The following KIAA2012 variants were observed in gnomAD, a reference collection of about 807,000 sequenced individuals.
KIAA2012 encodes the protein uncharacterized protein KIAA2012.
Under a neutral mutation model 150.6 loss-of-function variants are expected in KIAA2012, and 125 were observed. The observed-to-expected ratio is 0.83, with a 90% CI of 0.72 to 0.96. The LOEUF (loss-of-function observed/expected upper bound fraction) is 0.96, where lower values mean the gene tolerates loss of function less well. Among genes scored for constraint, KIAA2012 ranks in the 40% least tolerant of loss-of-function variants. The pLI is 0.00. For synonymous variants in KIAA2012, 462 were observed against 504.7 expected, an observed-to-expected ratio of 0.92 and a Z score of 1.13; for missense variants, 1,219 against 1,354.9, an observed-to-expected ratio of 0.90 and a Z score of 1.57.
intron 2 of KIAA2012, among the ~76,000 whole-genome samples, chr2:202,079,219 G>A (rs1290890517): frequency 2.0e-5 from 3 of 152,186 alleles, no homozygotes; most frequent in South Asian, 4.1e-4. Context: ...AGGCTTCGGG[G>A]AGGAAAATGG....
chr2:202,109,548 G>A, intron 9 of KIAA2012, 65 bp from the exon 10 acceptor site: 2 of 1,401,664 alleles, frequency 1.4e-6, no homozygotes, highest in Non-Finnish European at 1.9e-6. Flanking sequence ...TTAGAAGAGA[G>A]CTTCCTTCTC....
Position 202,105,860 on chromosome 2 carries a change from T to G in KIAA2012, c.1424T>G (p.Leu475Ter). ...KHASLETPWE[L>*]TVHLPVDASR... ...GCGTCCTTAGAAACACCATGGGAGT[T>G]AACAGTGCATCTCCCAGTGGACGCG... The change falls in exon 9 of 24, where the codon TTA (leucine) becomes TGA (stop). Residue 475 changes from leucine (L) to a stop codon, truncating the protein, a stop_gained. Coordinates refer to ENST00000498697, the MANE Select transcript of KIAA2012 (RefSeq NM_001277372.4). LOFTEE classifies it high-confidence loss of function. 1 of 1,550,748 alleles carries G rather than the reference T, an allele frequency of 6.4e-7. No individual in the cohort carries two copies.
At chr2:202,117,525 A>G (rs1206823291) in intron 11 of KIAA2012, among the ~76,000 whole-genome samples, 1 of 152,216 alleles carries the variant, frequency 6.6e-6, no homozygotes, top group African/African-American at 2.4e-5. Flanking sequence ...ATTAATTTTG[A>G]TAAGGCCATG....
At chr2:202,105,664 A>G (rs1690167464) in intron 8 of KIAA2012, 97 bp from the exon 9 acceptor site, 15 of 1,449,216 alleles carry the variant, frequency 1.0e-5, no homozygotes, top group Non-Finnish European at 1.3e-5. Flanking sequence ...ACCAAACCAC[A>G]TGGTGTGAGC....
In KIAA2012 at chr2:202,203,676, TA is replaced by T. The variant is rs1281410729; in HGVS notation, c.*20+1091del. ...AGCATTATTCTAGAGCCCTGAACAT[TA>T]ATAAATCTTGAGTTTTAGCCCCTGT... On this transcript the variant is annotated intron_variant, in intron 23 of 23. Coordinates refer to ENST00000498697, the MANE Select transcript of KIAA2012 (RefSeq NM_001277372.4). 1.1e-4 allele frequency among the ~76,000 whole-genome samples: 16 copies of T among 152,166 alleles called. 1 individual carries two copies. The highest frequency in any genetic ancestry group is 3.4e-4 in the African/African-American group (14 of 41,430).
rs1574996840 is a variant in KIAA2012, at chr2:202,075,029, T to C, written c.223T>C (p.Ser75Pro). 6.4e-7 allele frequency: 1 copy of C among 1,550,584 alleles called. No individual in the cohort carries two copies. Among genetic ancestry groups the C allele is most frequent in the Non-Finnish European group, 8.7e-7 (1 of 1,147,002 alleles). ...STRKGALILY[S>P]EGFAISAWTP... ...TAGAAAGGGTGCCCTGATCCTGTACTCAGAAGGTTTTGCCATTTCGGCATG... is the reference window on the plus strand; with the variant it reads ...TAGAAAGGGTGCCCTGATCCTGTACCCAGAAGGTTTTGCCATTTCGGCATG... The change falls in exon 2 of 24, where the codon TCA becomes CCA. Residue 75 changes from serine (S) to proline (P), a missense_variant. By Grantham distance (74) the Ser-to-Pro change is moderately conservative. Transcript: ENST00000498697.
At chr2:202,202,024 G>A in intron 22 of KIAA2012, 1 of 577,012 alleles carries the variant, frequency 1.7e-6, no homozygotes, top group East Asian at 2.8e-5. Flanking sequence ...TGCCGCCGCA[G>A]TTTTTGTATT....
intron 15 of KIAA2012, among the ~76,000 whole-genome samples, chr2:202,170,819 C>T (rs1325284352): frequency 1.3e-5 from 2 of 152,222 alleles, no homozygotes; most frequent in East Asian, 3.8e-4. Context: ...GCAGTTCACA[C>T]TCCCTGTGTG....
At chr2:202,099,385 A>G (rs1409724720) in intron 5 of KIAA2012, among the ~76,000 whole-genome samples, 1 of 152,160 alleles carries the variant, frequency 6.6e-6, no homozygotes, top group Non-Finnish European at 1.5e-5. Flanking sequence ...AGATCGCACT[A>G]TATGTCAGGC....
In KIAA2012 at chr2:202,165,299, C is replaced by A. The variant is rs1371049855; in HGVS notation, c.2062C>A (p.Leu688Met). 5.2e-6 allele frequency: 8 copies of A among 1,550,386 alleles called. No homozygotes were observed. The highest frequency in any genetic ancestry group is 7.0e-6 in the Non-Finnish European group (8 of 1,146,818). Reference protein sequence around the residue: ...TPFLKESGNALDYQEEAGRPL... With the variant: ...TPFLKESGNAMDYQEEAGRPL... Reference sequence around the variant, plus strand: ...AACCCAATAGGAAAGTGGAAATGCACTGGACTATCAGGAAGAAGCAGGGAG... The same window carrying A: ...AACCCAATAGGAAAGTGGAAATGCAATGGACTATCAGGAAGAAGCAGGGAG... Residue 688 changes from leucine (L) to methionine (M), a missense_variant, in exon 15 of 24, where the codon CTG (leucine) becomes ATG (methionine). Transcript: ENST00000498697.
chr2:202,184,406 G>A (rs1692183763), intron 15 of KIAA2012, among the ~76,000 whole-genome samples: 1 of 150,390 alleles, frequency 6.6e-6, no homozygotes, highest in African/African-American at 2.4e-5. Flanking sequence ...AAAAAGTAAT[G>A]TAATAAGAAG....
At position 202,122,989 on chromosome 2, in the gene KIAA2012, A is replaced by C. The variant is rs577414217; in HGVS notation, c.1763-2225A>C. Among the ~76,000 whole-genome samples, 5 of 152,204 alleles carry C rather than the reference A, an allele frequency of 3.3e-5. No individual in the cohort carries two copies. In the East Asian group the frequency reaches 9.7e-4, roughly 29 times the overall value. ...TCCCTCAAGCCAAGTCAAAAGTCCC[A>C]CCAGCACACAGAAAAAAATAGATCC... On this transcript the variant is annotated intron_variant, in intron 11 of 23. Transcript: ENST00000498697.
At chr2:202,186,093 C>T (rs1692221508) in intron 16 of KIAA2012, among the ~76,000 whole-genome samples, 1 of 152,206 alleles carries the variant, frequency 6.6e-6, no homozygotes, top group South Asian at 2.1e-4. Context: ...TTTCAGTGCC[C>T]TTTCTACCCA....
intron 13 of KIAA2012, among the ~76,000 whole-genome samples, chr2:202,153,590 C>T (rs1024718381): frequency 6.6e-6 from 1 of 152,210 alleles, no homozygotes; most frequent in Non-Finnish European, 1.5e-5. Flanking sequence ...CTTAAAATTG[C>T]AGCCTCCACT....
intron 11 of KIAA2012, chr2:202,114,892 T>C (rs1204830211): frequency 1.2e-5 from 2 of 166,036 alleles, no homozygotes; most frequent in East Asian, 3.9e-4. Flanking sequence ...TGCATGCTTA[T>C]TGAATGAATG....
At chr2:202,125,788 G>A (rs945021629) in intron 12 of KIAA2012, 1 of 430,856 alleles carries the variant, frequency 2.3e-6, no homozygotes, top group Non-Finnish European at 4.5e-6. Flanking sequence ...GCAAAAACTG[G>A]GAGTATAGGT....
chr2:202,191,648 G>A (rs967064008), intron 19 of KIAA2012, among the ~76,000 whole-genome samples: 2 of 151,966 alleles, frequency 1.3e-5, no homozygotes, highest in Non-Finnish European at 2.9e-5. Context: ...AGACCAAAAC[G>A]GCCAATCTTT....
At chr2:202,128,236 A>G (rs1690844395) in intron 12 of KIAA2012, among the ~76,000 whole-genome samples, 1 of 152,040 alleles carries the variant, frequency 6.6e-6, no homozygotes, top group African/African-American at 2.4e-5. Context: ...CACTGACTAG[A>G]CTTTTCTCTC....
chr2:202,126,437 C>A (rs1313742199), intron 12 of KIAA2012, among the ~76,000 whole-genome samples: 2 of 152,238 alleles, frequency 1.3e-5, no homozygotes, highest in Non-Finnish European at 2.9e-5. Context: ...ATCTCAAAAT[C>A]TGTAAGCAGA....
Sources: gnomAD v4.1 joint callset for allele counts (sites outside exome capture counted in the v4.1 genomes callset) on GRCh38, gnomAD v4.1.1 for gene constraint, MANE v1.5 for transcripts, NCBI Gene and HGNC (gene_info 2026-07-23, HGNC 2026-07-21) for gene names.